The following PCDHA6 variants were observed in gnomAD, a reference collection of about 807,000 sequenced individuals.
PCDHA6 encodes the protein protocadherin alpha 6.
A neutral mutation model predicts 60.3 loss-of-function variants in PCDHA6; 55 were observed. That is an observed-to-expected ratio of 0.91 (90% CI 0.73 to 1.14). PCDHA6 has a LOEUF of 1.14. Ranked by LOEUF, PCDHA6 falls within the 50% of genes most tolerant of loss-of-function variation. The probability of loss-of-function intolerance (pLI) is 0.00; values close to 1 mark genes in which losing one functional copy is unlikely to be tolerated. For missense variants in PCDHA6, 1,327 were observed against 1,256.5 expected (o/e 1.06, Z -0.85); for synonymous variants, 652 against 557.9 (o/e 1.17, Z -2.38).
At chr5:140,994,236 A>G (rs1222556974) in intron 3 of PCDHA6, among the ~76,000 whole-genome samples, 3 of 152,170 alleles carry the variant, frequency 2.0e-5, no homozygotes, top group African/African-American at 4.8e-5. Context: ...GTTATAATCA[A>G]TTCAAACCCT....
chr5:140,885,164 T>G (rs2060495549), intron 1 of PCDHA6, among the ~76,000 whole-genome samples: 1 of 151,598 alleles, frequency 6.6e-6, no homozygotes, highest in African/African-American at 2.4e-5. Context: ...TCTCTACTTT[T>G]TTGTCCTCTA....
At chr5:140,916,755 G>C (rs781862005) in intron 1 of PCDHA6, among the ~76,000 whole-genome samples, 15 of 152,208 alleles carry the variant, frequency 9.9e-5, no homozygotes, top group Admixed American at 2.0e-4. Flanking sequence ...CTGGGATTAG[G>C]GGAGGGGTGG....
At chr5:140,842,728 G>T in intron 1 of PCDHA6, 2 of 1,595,050 alleles carry the variant, frequency 1.3e-6, no homozygotes, top group Non-Finnish European at 1.7e-6. Context: ...AGAACAACCC[G>T]CCGGGCTGCC....
At chr5:140,958,586 T>A (rs561856247) in intron 1 of PCDHA6, among the ~76,000 whole-genome samples, 11 of 152,266 alleles carry the variant, frequency 7.2e-5, no homozygotes, top group African/African-American at 2.6e-4. Flanking sequence ...TAAATGAGCT[T>A]ATGATAATTG....
At chr5:140,926,752 C>G in intron 1 of PCDHA6, 2 of 1,254,462 alleles carry the variant, frequency 1.6e-6, no homozygotes, top group East Asian at 5.7e-5. Flanking sequence ...CGTCGGCGGT[C>G]GCTGAGTATC....
chr5:140,911,473 T>C (rs2075497981), intron 1 of PCDHA6, among the ~76,000 whole-genome samples: 1 of 152,180 alleles, frequency 6.6e-6, no homozygotes, highest in Non-Finnish European at 1.5e-5. Flanking sequence ...GATAAGACTC[T>C]CACTCAGGGC....
chr5:140,877,162 G>T (rs782642663), intron 1 of PCDHA6: 3 of 1,613,832 alleles, frequency 1.9e-6, no homozygotes, highest in Non-Finnish European at 1.7e-6. Context: ...CAACGCGCCG[G>T]CACTGCTGGC....
At chr5:140,865,760 G>A (rs1470653142) in intron 1 of PCDHA6, 1 of 152,154 alleles carries the variant, frequency 6.6e-6, no homozygotes, top group African/African-American at 2.4e-5. Flanking sequence ...AGTACATGGT[G>A]GAGATATTAT....
At position 140,845,557 on chromosome 5, in the gene PCDHA6, G is replaced by A. The variant is rs1355762380; in HGVS notation, c.2394+15072G>A. Reference sequence around the variant, plus strand: ...TATTCTAATTATGGTGATGCTTTTAGCTATTAAGAATTTCTGGGATTGAAA... The same window carrying A: ...TATTCTAATTATGGTGATGCTTTTAACTATTAAGAATTTCTGGGATTGAAA... On this transcript the variant is annotated intron_variant, in intron 1 of 3. Transcript: ENST00000529310. Among the ~76,000 whole-genome samples, 5 of 149,294 alleles carry A rather than the reference G, an allele frequency of 3.3e-5. 1 individual carries two copies. The highest frequency in any genetic ancestry group is 1.2e-4 in the African/African-American group (5 of 40,778).
chr5:140,840,040 A>T (rs1247550432), intron 1 of PCDHA6, among the ~76,000 whole-genome samples: 1 of 152,076 alleles, frequency 6.6e-6, no homozygotes, highest in Admixed American at 6.6e-5. Context: ...TATCTCCCAG[A>T]TGGAAGTCTA....
At chr5:141,005,953 A>G (rs1036085493) in intron 3 of PCDHA6, among the ~76,000 whole-genome samples, 1 of 152,052 alleles carries the variant, frequency 6.6e-6, no homozygotes, top group Non-Finnish European at 1.5e-5. Context: ...TCTCTAACAA[A>G]CAACAATAAA....
At chr5:140,835,811 T>C (rs2150245385) in intron 1 of PCDHA6, 22 of 1,612,912 alleles carry the variant, frequency 1.4e-5, no homozygotes, top group African/African-American at 1.1e-4. Flanking sequence ...ACATCTTCAC[T>C]GTGTCGGCGG....
chr5:140,945,322 T>C (rs1311724084), intron 1 of PCDHA6, among the ~76,000 whole-genome samples: 9 of 152,096 alleles, frequency 5.9e-5, no homozygotes, highest in Admixed American at 5.2e-4. Context: ...AATGGAAATA[T>C]ATTTTATGTT....
rs552891884 is a variant in PCDHA6 at position 140,857,764 on chromosome 5, G to A, written c.2394+27279G>A. The A allele has an allele frequency of 3.8e-6, 6 of 1,597,520 alleles. 2 individuals carry two copies. In the African/African-American group the frequency reaches 5.4e-5, roughly 14 times the overall value. On this transcript the variant is annotated intron_variant, in intron 1 of 3. Coordinates refer to ENST00000529310, the MANE Select transcript of PCDHA6 (RefSeq NM_018909.4). ...TGCTGGCGTCTCCCGCTGGCAGCGC[G>A]GGCGGTGCAGTCAGTGAGCTGGTGC...
intron 1 of PCDHA6, among the ~76,000 whole-genome samples, chr5:140,878,446 T>C (rs2057593210): frequency 6.6e-6 from 1 of 152,210 alleles, no homozygotes; most frequent in Admixed American, 6.5e-5. Flanking sequence ...CTATTCTTAT[T>C]TACATGAAAT....
Position 140,965,232 on chromosome 5 carries a change from G to T in PCDHA6, c.2395-13717G>T, listed in dbSNP as rs192008157. ...TCCTGTGGAAGAAATGTGAGAACCT[G>T]GGAAGAGTGAATATTCAGAACTGAG... On this transcript the variant is annotated intron_variant, in intron 1 of 3. Coordinates refer to ENST00000529310, the MANE Select transcript of PCDHA6 (RefSeq NM_018909.4). Among the ~76,000 whole-genome samples, 4 of 152,312 alleles carry T rather than the reference G, an allele frequency of 2.6e-5. No individual in the cohort carries two copies. In the East Asian group the frequency reaches 7.7e-4, roughly 29 times the overall value.
Position 140,828,215 on chromosome 5 carries a change from G to T in PCDHA6, c.124G>T (p.Gly42Cys). Reference sequence around the variant, plus strand: ...CTCCGTACCCGAGGAGGCCAAACACGGCACCTTCGTGGGCCGGATCGCGCA... The same window carrying T: ...CTCCGTACCCGAGGAGGCCAAACACTGCACCTTCGTGGGCCGGATCGCGCA... The part of the protein sequence containing the change: ...HYSVPEEAKH[G>C]TFVGRIAQDL... The change falls in exon 1 of 4, where the codon GGC becomes TGC. Residue 42 changes from glycine (G) to cysteine (C), a missense_variant. Physicochemically the swap from Gly to Cys is radical, Grantham distance 159. Transcript: ENST00000529310. 2 of 1,614,016 alleles carry T rather than the reference G, an allele frequency of 1.2e-6. No individual in the cohort carries two copies. The highest frequency in any genetic ancestry group is 1.7e-4 in the Middle Eastern group (1 of 5,870).
At chr5:140,870,999 A>G (rs782562142) in intron 1 of PCDHA6, 2 of 1,613,456 alleles carry the variant, frequency 1.2e-6, no homozygotes, top group Admixed American at 3.3e-5. Flanking sequence ...AGATAAGCAC[A>G]ACGCGTGCCC....
rs1554150153 is a variant in PCDHA6 at position 140,857,511 on chromosome 5, T to C, written c.2394+27026T>C. 5 of 1,598,148 alleles carry C rather than the reference T, an allele frequency of 3.1e-6. No homozygotes were observed. In the South Asian group the frequency reaches 5.5e-5, roughly 18 times the overall value. On this transcript the variant is annotated intron_variant, in intron 1 of 3. Transcript: ENST00000529310. ...GACGCGGACGCGCAGGAGAACGCCC[T>C]GGTGTCCTACTCTCTGGTGGAGCGG...
Sources: allele counts gnomAD v4.1 joint callset (sites outside exome capture counted in the v4.1 genomes callset), GRCh38; gene constraint gnomAD v4.1.1; transcripts MANE v1.5; gene names NCBI Gene and HGNC (gene_info 2026-07-23, HGNC 2026-07-21).